The following CCDC85A variants were observed in gnomAD, a reference collection of about 807,000 sequenced individuals.
The protein encoded by CCDC85A is coiled-coil domain-containing protein 85A.
In CCDC85A, 38 loss-of-function variants were observed where a neutral mutation model predicts 50.2. The observed-to-expected ratio is 0.76, with a 90% CI of 0.58 to 0.99. The LOEUF is 0.99. CCDC85A is among the 50% of genes least tolerant of loss of function. The probability of loss-of-function intolerance (pLI) is 0.00; values close to 1 mark genes in which losing one functional copy is unlikely to be tolerated. For synonymous variants in CCDC85A, 366 were observed against 301.4 expected, an observed-to-expected ratio of 1.21 and a Z score of -2.22; for missense variants, 820 against 742.0, an observed-to-expected ratio of 1.11 and a Z score of -1.22.
chr2:56,240,043 T>A (rs754570867), intron 2 of CCDC85A, among the ~76,000 whole-genome samples: 2 of 152,146 alleles, frequency 1.3e-5, no homozygotes, highest in Non-Finnish European at 2.9e-5. Context: ...TATCCTAAAA[T>A]TCACCCTTTT....
chr2:56,249,652 C>T (rs1333365239), intron 2 of CCDC85A, among the ~76,000 whole-genome samples: 1 of 152,212 alleles, frequency 6.6e-6, no homozygotes, highest in African/African-American at 2.4e-5. Context: ...TTCTCTGAGC[C>T]TTCACGAAGT....
At chr2:56,342,650 G>A (rs980937195) in intron 2 of CCDC85A, among the ~76,000 whole-genome samples, 9 of 152,082 alleles carry the variant, frequency 5.9e-5, no homozygotes, top group African/African-American at 1.9e-4. Flanking sequence ...CTGTAAATAT[G>A]CCAGTCTGTG....
At position 56,375,883 on chromosome 2, in the gene CCDC85A, G is replaced by A. The variant is rs1244088550; in HGVS notation, c.1520G>A (p.Ser507Asn). Reference sequence around the variant, plus strand: ...TCACCCAACTCTGCAGCTAGCTTCAGTGGACATGCCACACCTTCCCAGCAG... The same window carrying A: ...TCACCCAACTCTGCAGCTAGCTTCAATGGACATGCCACACCTTCCCAGCAG... Reference protein sequence around the residue: ...NSSPNSAASFSGHATPSQQPE... With the variant: ...NSSPNSAASFNGHATPSQQPE... The change falls in exon 5 of 6, where the codon AGT becomes AAT. Residue 507 changes from serine to asparagine, a missense_variant. Ser to Asn is a conservative substitution (Grantham distance 46). Transcript: ENST00000407595. The A allele has an allele frequency of 4.3e-6, 7 of 1,613,722 alleles. No individual in the cohort carries two copies. The highest frequency in any genetic ancestry group is 5.9e-6 in the Non-Finnish European group (7 of 1,179,834).
chr2:56,355,221 C>G (rs934279430), intron 3 of CCDC85A, among the ~76,000 whole-genome samples: 3 of 152,202 alleles, frequency 2.0e-5, no homozygotes, highest in Non-Finnish European at 4.4e-5. Flanking sequence ...CCCACCCTTA[C>G]TTGGGTTCTA....
At chr2:56,185,433 G>C (rs1431904852) in intron 1 of CCDC85A, among the ~76,000 whole-genome samples, 1 of 152,104 alleles carries the variant, frequency 6.6e-6, no homozygotes, top group East Asian at 1.9e-4. Context: ...TGTGTCACCG[G>C]GTACATAGGA....
chr2:56,342,278 G>C (rs965063994), intron 2 of CCDC85A, among the ~76,000 whole-genome samples: 2 of 151,630 alleles, frequency 1.3e-5, no homozygotes, highest in East Asian at 3.9e-4. Flanking sequence ...TGTGGAAAAC[G>C]ATTTGACTTC....
intron 2 of CCDC85A, among the ~76,000 whole-genome samples, chr2:56,253,720 G>C (rs1241946883): frequency 6.6e-6 from 1 of 152,182 alleles, no homozygotes. Flanking sequence ...AGATGTTTCG[G>C]AGCAAAGATT....
intron 3 of CCDC85A, among the ~76,000 whole-genome samples, chr2:56,369,152 C>A (rs1231946879): frequency 2.0e-5 from 3 of 152,004 alleles, no homozygotes; most frequent in African/African-American, 7.2e-5. Flanking sequence ...ACACTTAATT[C>A]ACGCAAATTT....
intron 2 of CCDC85A, among the ~76,000 whole-genome samples, chr2:56,318,682 C>T (rs984419010): frequency 2.0e-5 from 3 of 152,066 alleles, no homozygotes; most frequent in Non-Finnish European, 2.9e-5. Flanking sequence ...TTTACTAACA[C>T]TAATTGAACA....
At chr2:56,328,991 A>C (rs1673621455) in intron 2 of CCDC85A, among the ~76,000 whole-genome samples, 4 of 152,134 alleles carry the variant, frequency 2.6e-5, no homozygotes. Context: ...GCCCTTCCTC[A>C]GTGGGCTCCT....
chr2:56,373,929 A>T (rs1008154954), intron 4 of CCDC85A, among the ~76,000 whole-genome samples: 1 of 152,198 alleles, frequency 6.6e-6, no homozygotes, highest in Admixed American at 6.5e-5. Context: ...CAAAGTATAG[A>T]GGAAGAAGAT....
intron 3 of CCDC85A, among the ~76,000 whole-genome samples, chr2:56,361,099 A>C (rs1675499830): frequency 6.6e-6 from 1 of 152,124 alleles, no homozygotes; most frequent in South Asian, 2.1e-4. Context: ...TAAAAATGCA[A>C]AAACCTTAGC....
intron 3 of CCDC85A, among the ~76,000 whole-genome samples, chr2:56,349,444 T>G (rs1237002949): frequency 6.6e-6 from 1 of 152,102 alleles, no homozygotes; most frequent in African/African-American, 2.4e-5. Context: ...CTAGAAAACC[T>G]AAATAAATGG....
intron 2 of CCDC85A, among the ~76,000 whole-genome samples, chr2:56,291,473 G>T (rs1671699857): frequency 6.6e-6 from 1 of 152,194 alleles, no homozygotes; most frequent in Non-Finnish European, 1.5e-5. Flanking sequence ...AGCAGTGTGG[G>T]GGCTACTATG....
At chr2:56,224,851 C>G (rs1383969649) in intron 2 of CCDC85A, among the ~76,000 whole-genome samples, 1 of 152,050 alleles carries the variant, frequency 6.6e-6, no homozygotes, top group Non-Finnish European at 1.5e-5. Context: ...AGTCCCTTAT[C>G]AGATATATGA....
chr2:56,259,069 A>G lies in CCDC85A; in HGVS notation c.1240+65629A>G, dbSNP rs113213029. ...GGATGTCATATGGTTATAATGACCT[A>G]GGTTATGACTTTTTCCTGCAGCGAT... On this transcript the variant is annotated intron_variant, in intron 2 of 5. Transcript: ENST00000407595. Among the ~76,000 whole-genome samples the G allele has an allele frequency of 2.7e-3, 406 of 152,246 alleles. 3 individuals are homozygous for G. Among genetic ancestry groups the G allele is most frequent in the African/African-American group, 9.3e-3 (386 of 41,544 alleles).
chr2:56,275,362 G>T (rs1670882466), intron 2 of CCDC85A, among the ~76,000 whole-genome samples: 1 of 152,172 alleles, frequency 6.6e-6, no homozygotes, highest in South Asian at 2.1e-4. Flanking sequence ...ATGGAGTACA[G>T]TAGCTCAGTA....
In CCDC85A at chr2:56,184,906, C is replaced by G; in HGVS notation, c.276+6C>G. The G allele has an allele frequency of 6.7e-7, 1 of 1,496,008 alleles. No homozygotes were observed. Among genetic ancestry groups the G allele is most frequent in the Non-Finnish European group, 8.9e-7 (1 of 1,126,984 alleles). 92.7% of individuals were successfully genotyped at this position (1,496,008 alleles called of 1,614,324 possible). On this transcript the variant is annotated splice_donor_region_variant and intron_variant, in intron 1 of 5. Transcript: ENST00000407595. ...GCGAGATCCGCGGCCTCAAGGTGAGCGCGGGCCAGGTGGGGAGGCGCGGCG... is the reference window on the plus strand; with the variant it reads ...GCGAGATCCGCGGCCTCAAGGTGAGGGCGGGCCAGGTGGGGAGGCGCGGCG...
At chr2:56,300,212 G>A (rs983671957) in intron 2 of CCDC85A, among the ~76,000 whole-genome samples, 2 of 152,192 alleles carry the variant, frequency 1.3e-5, no homozygotes, top group Non-Finnish European at 2.9e-5. Context: ...CTCCTATGGG[G>A]AAGGAATGGA....
Sources: gnomAD v4.1 joint callset for allele counts (sites outside exome capture counted in the v4.1 genomes callset) on GRCh38, gnomAD v4.1.1 for gene constraint, MANE v1.5 for transcripts, NCBI Gene and HGNC (gene_info 2026-07-23, HGNC 2026-07-21) for gene names.